Variants in DAB1 observed in about 807,000 individuals in gnomAD.
The protein encoded by DAB1 is DAB adaptor protein 1.
In DAB1, 15 loss-of-function variants were observed where a neutral mutation model predicts 64.6. The observed-to-expected ratio is 0.23, with a 90% CI of 0.16 to 0.36. The LOEUF (loss-of-function observed/expected upper bound fraction) is 0.36. DAB1 is among the 10% of genes least tolerant of loss of function. The pLI is 1.00. For missense variants in DAB1, 596 were observed against 706.7 expected (o/e 0.84, Z 1.78); for synonymous variants, 235 against 251.9 (o/e 0.93, Z 0.64).
At chr1:58,088,320 C>T (rs948515103) in intron 5 of DAB1, among the ~76,000 whole-genome samples, 5 of 152,110 alleles carry the variant, frequency 3.3e-5, no homozygotes, top group East Asian at 1.9e-4. Flanking sequence ...CACGGGTTAG[C>T]GACATTTTGC....
chr1:57,190,906 G>T (rs1664067409), intron 2 of DAB1, among the ~76,000 whole-genome samples: 1 of 152,150 alleles, frequency 6.6e-6, no homozygotes, highest in Admixed American at 6.5e-5. Context: ...TGGTACAAAG[G>T]ACTTCTGATC....
chr1:57,398,550 G>C (rs911295505), intron 1 of DAB1, among the ~76,000 whole-genome samples: 1 of 152,226 alleles, frequency 6.6e-6, no homozygotes. Context: ...GAGACAGTCA[G>C]TATGTTAAAT....
intron 6 of DAB1, among the ~76,000 whole-genome samples, chr1:57,720,088 G>T (rs1165565869): frequency 6.6e-6 from 1 of 152,120 alleles, no homozygotes; most frequent in African/African-American, 2.4e-5. Flanking sequence ...CACTCCTCAA[G>T]AATCTCAGAG....
intron 1 of DAB1, among the ~76,000 whole-genome samples, chr1:58,545,877 AC>A (rs1477323647): frequency 6.6e-6 from 1 of 152,196 alleles, no homozygotes; most frequent in Non-Finnish European, 1.5e-5. Context: ...AAAGAATTGG[AC>A]GGCAGCAGAC....
chr1:58,434,043 G>A (rs1644914307), intron 3 of DAB1, among the ~76,000 whole-genome samples: 1 of 152,064 alleles, frequency 6.6e-6, no homozygotes, highest in South Asian at 2.1e-4. Flanking sequence ...ATAAAGAGAG[G>A]TGACATCAAA....
intron 5 of DAB1, among the ~76,000 whole-genome samples, chr1:58,017,440 A>T (rs544619226): frequency 1.3e-5 from 2 of 152,240 alleles, no homozygotes; most frequent in African/African-American, 4.8e-5. Flanking sequence ...ACTCTTTCCA[A>T]AATCATGCAT....
chr1:57,157,257 A>G (rs1660315463), intron 2 of DAB1, among the ~76,000 whole-genome samples: 1 of 152,066 alleles, frequency 6.6e-6, no homozygotes, highest in African/African-American at 2.4e-5. Context: ...TTAACTTTTG[A>G]CAGTTACAAT....
At chr1:57,426,338 C>A (rs1405421912), upstream of DAB1, among the ~76,000 whole-genome samples, 1 of 152,190 alleles carries the variant, frequency 6.6e-6, no homozygotes, top group Non-Finnish European at 1.5e-5. Context: ...TGAAATTCAA[C>A]AGGGGTAACA....
In DAB1 at chr1:58,404,407, A is replaced by G. The variant is rs568805722; in HGVS notation, n.258-61004T>C. Among the ~76,000 whole-genome samples the G allele has an allele frequency of 4.6e-5, 7 of 152,300 alleles. No homozygotes were observed. In the South Asian group the frequency reaches 1.5e-3, roughly 32 times the overall value. On this transcript the variant is annotated intron_variant and non_coding_transcript_variant, in intron 3 of 20. Coordinates refer to the DAB1 transcript ENST00000485760. ...CAGGCTGCGCCATTTGTCATCTTTG[A>G]TGTGAGTCCTGGATTCTATAGGTCT...
At chr1:57,379,963 C>T (rs1463552152) in intron 1 of DAB1, among the ~76,000 whole-genome samples, 1 of 152,176 alleles carries the variant, frequency 6.6e-6, no homozygotes, top group Non-Finnish European at 1.5e-5. Flanking sequence ...ATATGTGAAT[C>T]CACGTGAAGC....
chr1:58,127,168 G>A (rs1440192164), intron 5 of DAB1, among the ~76,000 whole-genome samples: 1 of 151,748 alleles, frequency 6.6e-6, no homozygotes, highest in Non-Finnish European at 1.5e-5. Flanking sequence ...GTGTGAGATG[G>A]TATCTCATTG....
At chr1:57,202,196 A>AT (rs1009708910) in intron 2 of DAB1, among the ~76,000 whole-genome samples, 2 of 152,158 alleles carry the variant, frequency 1.3e-5, no homozygotes, top group South Asian at 2.1e-4. Flanking sequence ...TGAAAGGCAG[A>AT]TTTTTTTAAA....
intron 2 of DAB1, among the ~76,000 whole-genome samples, chr1:57,151,152 T>TA (rs1659633797): frequency 1.3e-5 from 2 of 152,192 alleles, no homozygotes; most frequent in South Asian, 4.1e-4. Flanking sequence ...GAAGCCAAGT[T>TA]AAAGCCTTTG....
At chr1:58,173,360 G>A (rs534988004) in intron 4 of DAB1, among the ~76,000 whole-genome samples, 9 of 152,226 alleles carry the variant, frequency 5.9e-5, no homozygotes, top group South Asian at 4.1e-4. Context: ...TGGCTTGTCC[G>A]CTTCTCAGGG....
chr1:58,490,036 TCTC>T, intron 3 of DAB1, among the ~76,000 whole-genome samples: 1 of 152,054 alleles, frequency 6.6e-6, no homozygotes, highest in Non-Finnish European at 1.5e-5. Context: ...TCAGAGTGCC[TCTC>T]CTCCTCCAAA....
chr1:57,389,664 GA>G (rs907206499), intron 1 of DAB1, among the ~76,000 whole-genome samples: 33 of 152,272 alleles, frequency 2.2e-4, no homozygotes, highest in African/African-American at 7.7e-4. Flanking sequence ...GGGAGAGAGG[GA>G]AGGAAGGAGC....
intron 5 of DAB1, among the ~76,000 whole-genome samples, chr1:57,964,975 T>C (rs1645621510): frequency 6.7e-6 from 1 of 149,932 alleles, no homozygotes; most frequent in Admixed American, 6.7e-5. Flanking sequence ...CTAAAAAAAG[T>C]GTTTCACCCA....
At chr1:57,714,628 C>T (rs1424298554) in intron 6 of DAB1, among the ~76,000 whole-genome samples, 4 of 152,148 alleles carry the variant, frequency 2.6e-5, no homozygotes, top group Non-Finnish European at 4.4e-5. Context: ...GGAAGCCCCA[C>T]GTGGCTGCAC....
At position 57,695,290 on chromosome 1, in the gene DAB1, GAGAGAGAAGGAA is replaced by G. The variant is rs1329857164; in HGVS notation, n.552-45637_552-45626del. Among the ~76,000 whole-genome samples the G allele has an allele frequency of 6.8e-4, 44 of 64,774 alleles. 3 individuals carry two copies. The highest frequency in any genetic ancestry group is 2.7e-3 in the African/African-American group (43 of 15,884). The allele number at this position is 64,774 out of a possible 152,430, so 42.5% of individuals were successfully genotyped here. A position where few individuals can be genotyped will look rare whatever the true frequency, so the allele number is the denominator to read the frequency against. On this transcript the variant is annotated intron_variant and non_coding_transcript_variant, in intron 6 of 20. Coordinates refer to the DAB1 transcript ENST00000485760. The stretch of plus-strand genomic sequence containing the variant: ...GAAGGAAGGAAGGAAGGAAGAAAGG[GAGAGAGAAGGAA>G]AGAAAGAAAGAAAGAAAGAAAGAAA...
Sources: gnomAD v4.1 joint callset for allele counts (sites outside exome capture counted in the v4.1 genomes callset) on GRCh38, gnomAD v4.1.1 for gene constraint, MANE v1.5 for transcripts, NCBI Gene and HGNC (gene_info 2026-07-23, HGNC 2026-07-21) for gene names.